DLGAP2: variants seen among roughly 807,000 people sequenced by gnomAD.
DLGAP2 encodes the protein disks large-associated protein 2.
Under a neutral mutation model 100.3 loss-of-function variants are expected in DLGAP2, and 26 were observed. The ratio of observed to expected loss-of-function variants is 0.26; its 90% CI spans 0.19 to 0.36. The LOEUF (loss-of-function observed/expected upper bound fraction) is 0.36. DLGAP2 is among the 10% of genes least tolerant of loss of function. The probability of loss-of-function intolerance (pLI) is 1.00; values close to 1 mark genes in which losing one functional copy is unlikely to be tolerated. For missense variants in DLGAP2, 1,858 were observed against 1,453.2 expected, an observed-to-expected ratio of 1.28 and a Z score of -4.53; for synonymous variants, 886 against 630.1, an observed-to-expected ratio of 1.41 and a Z score of -6.08.
At chr8:776,898 G>A (rs1323491994) in intron 1 of DLGAP2, among the ~76,000 whole-genome samples, 3 of 152,102 alleles carry the variant, frequency 2.0e-5, no homozygotes, top group Non-Finnish European at 4.4e-5. Context: ...CAATTCCTGG[G>A]TATCCTTGTT....
At chr8:1,253,750 G>A (rs1395938137) in intron 2 of DLGAP2, among the ~76,000 whole-genome samples, 1 of 152,184 alleles carries the variant, frequency 6.6e-6, no homozygotes, top group Non-Finnish European at 1.5e-5. Flanking sequence ...CCTAATTTAA[G>A]TGAGACTCTG....
intron 2 of DLGAP2, among the ~76,000 whole-genome samples, chr8:1,082,955 A>G (rs1169765902): frequency 6.6e-6 from 1 of 152,236 alleles, no homozygotes; most frequent in African/African-American, 2.4e-5. Flanking sequence ...TTATGAAATT[A>G]TAGTATGTTG....
chr8:1,507,940 C>T (rs1309014540), intron 4 of DLGAP2, among the ~76,000 whole-genome samples: 1 of 151,208 alleles, frequency 6.6e-6, no homozygotes, highest in Non-Finnish European at 1.5e-5. Flanking sequence ...GGAGAAGGCT[C>T]CTTCCCCACT....
intron 2 of DLGAP2, among the ~76,000 whole-genome samples, chr8:1,210,367 A>C (rs2116783963): frequency 6.6e-6 from 1 of 152,196 alleles, no homozygotes; most frequent in South Asian, 2.1e-4. Flanking sequence ...GTTTTAAGAA[A>C]CTGGATGCAG....
intron 3 of DLGAP2, among the ~76,000 whole-genome samples, chr8:1,475,064 G>T (rs1050768130): frequency 1.3e-4 from 20 of 152,122 alleles, no homozygotes; most frequent in African/African-American, 4.1e-4. Flanking sequence ...GGAAGAATGA[G>T]ATCATGTCCT....
At chr8:953,710 G>C (rs539724810) in intron 2 of DLGAP2, among the ~76,000 whole-genome samples, 2 of 152,052 alleles carry the variant, frequency 1.3e-5, no homozygotes, top group African/African-American at 4.8e-5. Context: ...TGGAGCTGAC[G>C]CTGTCACAGT....
chr8:821,166 T>G (rs1156837645), intron 1 of DLGAP2, among the ~76,000 whole-genome samples: 2 of 152,230 alleles, frequency 1.3e-5, no homozygotes, highest in Non-Finnish European at 2.9e-5. Flanking sequence ...TTGAAAGTAT[T>G]TACATGGCGT....
intron 1 of DLGAP2, among the ~76,000 whole-genome samples, chr8:750,150 C>A (rs1179625326): frequency 1.3e-5 from 2 of 152,238 alleles, no homozygotes; most frequent in African/African-American, 2.4e-5. Flanking sequence ...TCCCTAGGGC[C>A]GGTTAGGCCG....
intron 2 of DLGAP2, among the ~76,000 whole-genome samples, chr8:1,067,607 G>GTGTGTGTA (rs1803297284): frequency 1.3e-5 from 1 of 74,892 alleles, no homozygotes; most frequent in Non-Finnish European, 2.9e-5. Flanking sequence ...TGAGTGACGT[G>GTGTGTGTA]TGTGTGTGTG....
chr8:1,392,964 G>A (rs1366138215), intron 3 of DLGAP2, among the ~76,000 whole-genome samples: 1 of 102,936 alleles, frequency 9.7e-6, no homozygotes, highest in Non-Finnish European at 1.9e-5. Context: ...GATCAGTTTT[G>A]CTCTAAATGT....
intron 3 of DLGAP2, among the ~76,000 whole-genome samples, chr8:1,478,815 A>C (rs1289839328): frequency 6.6e-6 from 1 of 152,216 alleles, no homozygotes; most frequent in Non-Finnish European, 1.5e-5. Flanking sequence ...GAGGGTCATT[A>C]TTCTAGCCCC....
At chr8:864,328 G>A (rs1256745839) in intron 1 of DLGAP2, among the ~76,000 whole-genome samples, 1 of 152,244 alleles carries the variant, frequency 6.6e-6, no homozygotes, top group East Asian at 1.9e-4. Context: ...TAGAAGAAAA[G>A]ATTTGGAATG....
At chr8:1,565,577 G>A in intron 5 of DLGAP2, 106 bp from the exon 6 acceptor site, 1 of 799,554 alleles carries the variant, frequency 1.3e-6, no homozygotes, top group Admixed American at 2.8e-5. Context: ...TGACTGTAAA[G>A]AGGTGTATCT....
In DLGAP2 at chr8:1,520,823, T is replaced by C. The variant is rs566170769; in HGVS notation, c.172+19392T>C. ...TGAATAATGTTGCTATACACATCTG[T>C]GTGCGGGTTGATGTGTGGATGTAAG... On this transcript the variant is annotated intron_variant, in intron 4 of 14. Transcript: ENST00000637795. Among the ~76,000 whole-genome samples, 6 of 152,300 alleles carry C rather than the reference T, an allele frequency of 3.9e-5. No individual in the cohort carries two copies. The East Asian group carries it at 1.2e-3, about 29-fold the overall frequency.
intron 3 of DLGAP2, among the ~76,000 whole-genome samples, chr8:1,271,024 A>G (rs534985262): frequency 1.8e-4 from 27 of 152,314 alleles, no homozygotes; most frequent in Middle Eastern, 3.4e-3. Context: ...GTAATGACGG[A>G]TGACCCATTT....
intron 3 of DLGAP2, among the ~76,000 whole-genome samples, chr8:1,457,174 C>CT (rs1798339318): frequency 6.6e-6 from 1 of 152,118 alleles, no homozygotes; most frequent in South Asian, 2.1e-4. Flanking sequence ...TGGAGTAGGC[C>CT]TTTTGTGTAT....
At chr8:1,390,086 G>A (rs1037915406) in intron 3 of DLGAP2, among the ~76,000 whole-genome samples, 10 of 151,896 alleles carry the variant, frequency 6.6e-5, no homozygotes, top group Non-Finnish European at 1.2e-4. Context: ...CGTTGATGGA[G>A]ATCACAGGGC....
At chr8:975,682 C>G (rs1489677940) in intron 2 of DLGAP2, among the ~76,000 whole-genome samples, 1 of 152,148 alleles carries the variant, frequency 6.6e-6, no homozygotes, top group East Asian at 1.9e-4. Flanking sequence ...ACCCAGCACC[C>G]ATTCATAATA....
At chr8:1,262,719 C>T (rs577172982) in intron 3 of DLGAP2, 58 of 152,174 alleles carry the variant, frequency 3.8e-4, no homozygotes, top group Non-Finnish European at 7.8e-4. Flanking sequence ...GCTGGTTTAT[C>T]TTGACATAGC....
Sources: gnomAD v4.1 joint callset for allele counts (sites outside exome capture counted in the v4.1 genomes callset) on GRCh38, gnomAD v4.1.1 for gene constraint, MANE v1.5 for transcripts, NCBI Gene and HGNC (gene_info 2026-07-23, HGNC 2026-07-21) for gene names.